The following ENOX1 variants were observed in gnomAD, a reference collection of about 807,000 sequenced individuals.
ENOX1 encodes the protein ecto-NOX disulfide-thiol exchanger 1, also known as candidate growth-related and time keeping constitutive hydroquinone (NADH) oxidase.
ENOX1 carries 42 observed loss-of-function variants against 82.5 expected under a neutral mutation model. The ratio of observed to expected loss-of-function variants is 0.51; its 90% CI spans 0.40 to 0.66. The LOEUF (loss-of-function observed/expected upper bound fraction) is 0.66, where lower values mean the gene tolerates loss of function less well. Ranked by LOEUF, ENOX1 falls within the 30% of genes least tolerant of loss-of-function variation. ENOX1 has a pLI of 0.00. For missense variants in ENOX1, 608 were observed against 811.6 expected (o/e 0.75, Z 3.05); for synonymous variants, 271 against 282.2 (o/e 0.96, Z 0.40).
chr13:43,279,447 T>C (rs2045248752), intron 12 of ENOX1, among the ~76,000 whole-genome samples: 1 of 152,184 alleles, frequency 6.6e-6, no homozygotes, highest in Non-Finnish European at 1.5e-5. Flanking sequence ...CAAAGCAAGA[T>C]ATCAATGAAT....
intron 2 of ENOX1, among the ~76,000 whole-genome samples, chr13:43,581,028 T>C (rs1316340881): frequency 6.6e-6 from 1 of 152,092 alleles, no homozygotes; most frequent in Non-Finnish European, 1.5e-5. Context: ...AAGAGCTAGT[T>C]TATTTGCTAT....
intron 3 of ENOX1, among the ~76,000 whole-genome samples, chr13:43,444,162 G>C (rs9567191): frequency 0.11 from 16,389 of 152,156 alleles, 928 homozygotes; most frequent in East Asian, 0.25. Context: ...GACTGCAATA[G>C]CACCCCTTTT....
rs112443848 is a variant in ENOX1, at chr13:43,269,599, A to G, written c.1447-22T>C. 9.5e-6 allele frequency: 15 copies of G among 1,577,380 alleles called. No individual in the cohort carries two copies. The African/African-American group carries it at 1.2e-4, about 13-fold the overall frequency. On this transcript the variant is annotated intron_variant, in intron 12 of 16. Transcript: ENST00000690772. Reference sequence around the variant, plus strand: ...ATTGCTGTGAAATTAAAGGATATTTAGCATAAGTAGGATTGAAGGTCAGGT... The same window carrying G: ...ATTGCTGTGAAATTAAAGGATATTTGGCATAAGTAGGATTGAAGGTCAGGT...
intron 5 of ENOX1, among the ~76,000 whole-genome samples, chr13:43,405,941 T>C (rs992529373): frequency 2.0e-5 from 3 of 152,226 alleles, no homozygotes; most frequent in Non-Finnish European, 4.4e-5. Context: ...TAATTTGTTT[T>C]TGTGTATTTA....
intron 2 of ENOX1, among the ~76,000 whole-genome samples, chr13:43,606,715 A>G (rs1475078763): frequency 6.6e-6 from 1 of 152,134 alleles, no homozygotes; most frequent in African/African-American, 2.4e-5. Context: ...GATAGAATGA[A>G]TAAGATCTAG....
intron 2 of ENOX1, among the ~76,000 whole-genome samples, chr13:43,486,690 A>G (rs1593443441): frequency 1.3e-5 from 2 of 152,304 alleles, no homozygotes; most frequent in South Asian, 2.1e-4. Context: ...TCTGAAACCA[A>G]ACTGGCGGGG....
intron 1 of ENOX1, among the ~76,000 whole-genome samples, chr13:43,709,160 G>A (rs1256092436): frequency 6.6e-6 from 1 of 152,022 alleles, no homozygotes; most frequent in Non-Finnish European, 1.5e-5. Context: ...AGATGCAAAA[G>A]GCGAATTAGT....
chr13:43,777,451 C>G (rs191238021), intron 1 of ENOX1, among the ~76,000 whole-genome samples: 81 of 152,052 alleles, frequency 5.3e-4, no homozygotes, highest in Non-Finnish European at 1.0e-3. Context: ...TGGATTGTAT[C>G]AATATCAATA....
chr13:43,354,420 A>G (rs965804753), intron 8 of ENOX1, among the ~76,000 whole-genome samples: 2 of 151,680 alleles, frequency 1.3e-5, no homozygotes, highest in African/African-American at 2.4e-5. Flanking sequence ...AGGATTCTCA[A>G]GCCCTGGATG....
chr13:43,613,059 G>A (rs940717894), intron 2 of ENOX1, among the ~76,000 whole-genome samples: 24 of 152,052 alleles, frequency 1.6e-4, no homozygotes, highest in South Asian at 4.2e-4. Flanking sequence ...TTTTTAAAAC[G>A]TTGTACATGA....
At chr13:43,684,143 C>T (rs1566765734) in intron 1 of ENOX1, among the ~76,000 whole-genome samples, 1 of 149,660 alleles carries the variant, frequency 6.7e-6, no homozygotes, top group South Asian at 2.1e-4. Context: ...TTGTCCTAAC[C>T]AGAAACAACA....
At chr13:43,775,614 T>C (rs1318624437) in intron 1 of ENOX1, among the ~76,000 whole-genome samples, 1 of 152,200 alleles carries the variant, frequency 6.6e-6, no homozygotes, top group East Asian at 1.9e-4. Flanking sequence ...TGCCCACGAT[T>C]GGGTGGTTGA....
At chr13:43,759,097 CTT>C (rs3044251) in intron 1 of ENOX1, among the ~76,000 whole-genome samples, 36 of 122,450 alleles carry the variant, frequency 2.9e-4, no homozygotes, top group African/African-American at 9.7e-4. Flanking sequence ...TGATAAGTTT[CTT>C]TTTTTTTTTT....
chr13:43,441,073 A>T (rs1339394680), intron 3 of ENOX1, among the ~76,000 whole-genome samples: 1 of 152,220 alleles, frequency 6.6e-6, no homozygotes, highest in Non-Finnish European at 1.5e-5. Context: ...TTTCACAGCC[A>T]TGAAAGACAA....
chr13:43,443,699 C>T (rs752805804), intron 3 of ENOX1, among the ~76,000 whole-genome samples: 20 of 152,006 alleles, frequency 1.3e-4, no homozygotes, highest in Non-Finnish European at 2.4e-4. Flanking sequence ...GAGTAAAGAG[C>T]GAGGATCCTG....
At chr13:43,574,409 CT>C (rs1490066036) in intron 2 of ENOX1, among the ~76,000 whole-genome samples, 1 of 152,116 alleles carries the variant, frequency 6.6e-6, no homozygotes, top group African/African-American at 2.4e-5. Context: ...TGAAAGAATC[CT>C]TTCAGCCTGA....
At chr13:43,512,726 T>C (rs193246819) in intron 2 of ENOX1, among the ~76,000 whole-genome samples, 3 of 152,188 alleles carry the variant, frequency 2.0e-5, no homozygotes, top group African/African-American at 7.2e-5. Flanking sequence ...ACTTGCATTT[T>C]TGCATAGCAG....
chr13:43,667,765 C>T (rs1019575848), intron 1 of ENOX1, among the ~76,000 whole-genome samples: 1 of 152,182 alleles, frequency 6.6e-6, no homozygotes. Context: ...TCATCATAAA[C>T]AAAGCCTCCG....
intron 2 of ENOX1, among the ~76,000 whole-genome samples, chr13:43,596,438 G>C (rs1378016774): frequency 1.3e-5 from 2 of 152,230 alleles, no homozygotes; most frequent in Admixed American, 1.3e-4. Flanking sequence ...CCTGTGGGTA[G>C]GACAGATCCT....
Sources: gnomAD v4.1 joint callset for allele counts (sites outside exome capture counted in the v4.1 genomes callset) on GRCh38, gnomAD v4.1.1 for gene constraint, MANE v1.5 for transcripts, NCBI Gene and HGNC (gene_info 2026-07-23, HGNC 2026-07-21) for gene names.